Variants in ETV6 observed in about 807,000 individuals in gnomAD.
ETV6 encodes transcription factor ETV6.
Under a neutral mutation model 51.1 loss-of-function variants are expected in ETV6, and 16 were observed. The observed-to-expected ratio is 0.31, with a 90% CI of 0.21 to 0.48. The LOEUF (loss-of-function observed/expected upper bound fraction) is 0.48. Ranked by LOEUF, ETV6 falls within the 20% of genes least tolerant of loss-of-function variation. ETV6 has a pLI of 0.99. For synonymous variants in ETV6, 240 were observed against 224.1 expected (o/e 1.07, Z -0.64); for missense variants, 458 against 594.8 (o/e 0.77, Z 2.39).
At chr12:11,884,708 T>A (rs1317177972) in intron 6 of ETV6, 121 bp downstream of exon 6, 1 of 1,267,234 alleles carries the variant, frequency 7.9e-7, no homozygotes, top group African/African-American at 1.5e-5. Context: ...TTTAGTTTAT[T>A]CCTTGCTGGG....
At chr12:11,737,836 AG>A (rs1390028742) in intron 1 of ETV6, among the ~76,000 whole-genome samples, 1 of 152,244 alleles carries the variant, frequency 6.6e-6, no homozygotes, top group Non-Finnish European at 1.5e-5. Flanking sequence ...CTCATAGCCA[AG>A]GAGACTGAGA....
intron 1 of ETV6, among the ~76,000 whole-genome samples, chr12:11,745,229 G>C (rs778545355): frequency 1.3e-5 from 2 of 152,210 alleles, no homozygotes; most frequent in Non-Finnish European, 2.9e-5. Context: ...TATAGAACCA[G>C]CATCTTGCAG....
intron 1 of ETV6, among the ~76,000 whole-genome samples, chr12:11,736,646 A>G (rs1865707623): frequency 6.6e-6 from 1 of 152,222 alleles, no homozygotes; most frequent in African/African-American, 2.4e-5. Context: ...ATAGTAGGTA[A>G]GGTGTTCCAG....
intron 4 of ETV6, among the ~76,000 whole-genome samples, chr12:11,866,958 C>T (rs1484992255): frequency 6.6e-6 from 1 of 152,234 alleles, no homozygotes; most frequent in African/African-American, 2.4e-5. Flanking sequence ...AAGCAACTTT[C>T]TGTTTATCTT....
In ETV6 at chr12:11,891,013, G is replaced by A; in HGVS notation, c.1326G>A (p.Leu442=). ...DRLEHLESQE[L]DEQIYQEDEC ...TGGAGCACCTAGAGTCCCAGGAGCT[G>A]GATGAACAAATATACCAAGAAGATG... The change falls in exon 8 of 8, where the codon CTG becomes CTA. Residue 442 remains leucine, a synonymous_variant. Transcript: ENST00000396373. The A allele has an allele frequency of 6.2e-7, 1 of 1,613,628 alleles. No individual in the cohort carries two copies. Among genetic ancestry groups the A allele is most frequent in the Non-Finnish European group, 8.5e-7 (1 of 1,179,748 alleles).
At chr12:11,650,349 C>G (rs1259247592) in intron 1 of ETV6, among the ~76,000 whole-genome samples, 189 bp downstream of exon 1, 1 of 149,212 alleles carries the variant, frequency 6.7e-6, no homozygotes, top group African/African-American at 2.5e-5. Flanking sequence ...GCTACTCCCC[C>G]CCACCGCCGA....
chr12:11,794,514 C>T (rs1945648918), intron 2 of ETV6, among the ~76,000 whole-genome samples: 1 of 152,164 alleles, frequency 6.6e-6, no homozygotes, highest in South Asian at 2.1e-4. Flanking sequence ...TAAAAATAGC[C>T]TCCTGGTGCT....
intron 1 of ETV6, among the ~76,000 whole-genome samples, chr12:11,705,353 T>C (rs1865054882): frequency 6.6e-6 from 1 of 152,214 alleles, no homozygotes; most frequent in South Asian, 2.1e-4. Context: ...TCCTGGTTTA[T>C]AAATAATCTC....
chr12:11,750,325 A>G (rs1865997110), intron 1 of ETV6, among the ~76,000 whole-genome samples: 1 of 152,324 alleles, frequency 6.6e-6, no homozygotes, highest in Non-Finnish European at 1.5e-5. Flanking sequence ...CTGGGGATGG[A>G]GTTCCTAAGA....
intron 1 of ETV6, among the ~76,000 whole-genome samples, chr12:11,731,551 T>G (rs1044669051): frequency 2.0e-5 from 3 of 152,240 alleles, no homozygotes; most frequent in African/African-American, 4.8e-5. Context: ...AATAATTTTT[T>G]TTCTTCTGTC....
At chr12:11,686,564 G>C (rs971676173) in intron 1 of ETV6, among the ~76,000 whole-genome samples, 1 of 152,198 alleles carries the variant, frequency 6.6e-6, no homozygotes, top group Non-Finnish European at 1.5e-5. Flanking sequence ...GTCTCGCTCT[G>C]TTGCCTAGGC....
chr12:11,773,576 T>C (rs905026688), intron 2 of ETV6, among the ~76,000 whole-genome samples: 4 of 152,214 alleles, frequency 2.6e-5, no homozygotes, highest in African/African-American at 4.8e-5. Flanking sequence ...AGATCCATGA[T>C]AGCTGTGAAC....
At chr12:11,741,437 GTTTTCCT>G (rs1276022182) in intron 1 of ETV6, among the ~76,000 whole-genome samples, 1 of 152,218 alleles carries the variant, frequency 6.6e-6, no homozygotes, top group Non-Finnish European at 1.5e-5. Context: ...AGTGGGGTGG[GTTTTCCT>G]TTCCTCTTCC....
chr12:11,787,462 G>A (rs879263558), intron 2 of ETV6, among the ~76,000 whole-genome samples: 1 of 152,160 alleles, frequency 6.6e-6, no homozygotes, highest in Non-Finnish European at 1.5e-5. Flanking sequence ...TATTAAAAGT[G>A]ATGTCGATTG....
At chr12:11,872,260 A>G (rs1591738275) in intron 5 of ETV6, among the ~76,000 whole-genome samples, 1 of 152,190 alleles carries the variant, frequency 6.6e-6, no homozygotes, top group Non-Finnish European at 1.5e-5. Context: ...CGAGGTGTGC[A>G]GGACAACCCT....
chr12:11,727,103 G>A (rs886637640), intron 1 of ETV6, among the ~76,000 whole-genome samples: 5 of 152,192 alleles, frequency 3.3e-5, no homozygotes, highest in African/African-American at 9.6e-5. Flanking sequence ...TCTGTATTGT[G>A]GGGGTAGGTG....
intron 1 of ETV6, among the ~76,000 whole-genome samples, chr12:11,728,193 ACTC>A (rs774794246): frequency 6.6e-6 from 1 of 151,708 alleles, no homozygotes; most frequent in Non-Finnish European, 1.5e-5. Flanking sequence ...TCACCTGTCT[ACTC>A]CTTCTTCAAG....
At chr12:11,825,526 C>A in intron 2 of ETV6, 1 of 152,366 alleles carries the variant, frequency 6.6e-6, no homozygotes. Flanking sequence ...CTGCGTCTCT[C>A]CTCTGTTTCC....
chr12:11,669,384 TCCCTC>T (rs1864264611), intron 1 of ETV6, among the ~76,000 whole-genome samples: 1 of 132,112 alleles, frequency 7.6e-6, no homozygotes, highest in Admixed American at 7.5e-5. Flanking sequence ...CCTCCCTCCC[TCCCTC>T]CCTCCTTTCC....
Sources: allele counts gnomAD v4.1 joint callset (sites outside exome capture counted in the v4.1 genomes callset), GRCh38; gene constraint gnomAD v4.1.1; transcripts MANE v1.5; gene names NCBI Gene and HGNC (gene_info 2026-07-23, HGNC 2026-07-21).